Variants in ZNF536 observed in about 807,000 individuals in gnomAD.
The protein encoded by ZNF536 is zinc finger protein 536.
Under a neutral mutation model 84.5 loss-of-function variants are expected in ZNF536, and 13 were observed. That is an observed-to-expected ratio of 0.15 (90% CI 0.10 to 0.24). The LOEUF (loss-of-function observed/expected upper bound fraction) is 0.24, where lower values mean the gene tolerates loss of function less well. Among genes scored for constraint, ZNF536 ranks in the 10% least tolerant of loss-of-function variants. The pLI is 1.00. For missense variants in ZNF536, 1,536 were observed against 1,747.5 expected (o/e 0.88, Z 2.16); for synonymous variants, 811 against 742.5 (o/e 1.09, Z -1.50).
chr19:30,338,265 TTGA>T (rs1404387387), intron 2 of ZNF536, among the ~76,000 whole-genome samples: 3 of 151,156 alleles, frequency 2.0e-5, no homozygotes, highest in Non-Finnish European at 4.4e-5. Context: ...ATAAAGATGA[TTGA>T]TGATGATGGT....
intron 1 of ZNF536, among the ~76,000 whole-genome samples, chr19:30,268,419 G>C: frequency 6.6e-6 from 1 of 152,138 alleles, no homozygotes; most frequent in Non-Finnish European, 1.5e-5. Context: ...TATAGTCCTG[G>C]TGTGGTTTTG....
intron 1 of ZNF536, among the ~76,000 whole-genome samples, chr19:30,685,282 G>A (rs965147139): frequency 6.6e-6 from 1 of 152,220 alleles, no homozygotes; most frequent in Non-Finnish European, 1.5e-5. Context: ...ATGACAGTGA[G>A]TAGGGGGCTT....
At chr19:30,646,348 G>C (rs901954799) in intron 1 of ZNF536, among the ~76,000 whole-genome samples, 5 of 152,172 alleles carry the variant, frequency 3.3e-5, no homozygotes, top group African/African-American at 7.2e-5. Flanking sequence ...AAAGAAGCTT[G>C]AGCCTGCGCA....
At chr19:30,447,559 C>T (rs1404675439) in intron 2 of ZNF536, among the ~76,000 whole-genome samples, 1 of 152,154 alleles carries the variant, frequency 6.6e-6, no homozygotes, top group African/African-American at 2.4e-5. Context: ...GCATGAGTGC[C>T]AAGGAGGCGT....
chr19:30,690,207 C>T (rs865919456), intron 1 of ZNF536, among the ~76,000 whole-genome samples: 8 of 152,156 alleles, frequency 5.3e-5, no homozygotes, highest in Non-Finnish European at 8.8e-5. Flanking sequence ...GAACAAATGC[C>T]GGTAATATTG....
At chr19:30,675,168 A>G (rs1471776470) in intron 1 of ZNF536, among the ~76,000 whole-genome samples, 2 of 152,180 alleles carry the variant, frequency 1.3e-5, no homozygotes, top group African/African-American at 4.8e-5. Context: ...CCTCTAAGGA[A>G]CTGGATATGC....
intron 4 of ZNF536, among the ~76,000 whole-genome samples, chr19:30,551,577 C>T (rs112030927): frequency 0.041 from 6,217 of 152,256 alleles, 177 homozygotes; most frequent in South Asian, 0.11. Flanking sequence ...CCCCACCCCT[C>T]GCCTCTTTCA....
intron 1 of ZNF536, among the ~76,000 whole-genome samples, chr19:30,422,476 T>G (rs555809524): frequency 3.4e-4 from 52 of 152,132 alleles, no homozygotes; most frequent in Non-Finnish European, 6.3e-4. Flanking sequence ...ACCTTTTCCT[T>G]TCTCTGAATT....
At chr19:30,242,802 G>A (rs930389598) in intron 1 of ZNF536, among the ~76,000 whole-genome samples, 7 of 152,132 alleles carry the variant, frequency 4.6e-5, no homozygotes, top group African/African-American at 1.4e-4. Flanking sequence ...CTTCCGATTC[G>A]TTACTTAAAT....
intron 1 of ZNF536, among the ~76,000 whole-genome samples, chr19:30,570,275 C>T (rs184642056): frequency 6.6e-6 from 1 of 152,272 alleles, no homozygotes; most frequent in Admixed American, 6.5e-5. Flanking sequence ...ACCTTCAGAC[C>T]TCAGGCGTTG....
intron 1 of ZNF536, among the ~76,000 whole-genome samples, chr19:30,663,435 T>C (rs1369305688): frequency 6.6e-6 from 1 of 151,840 alleles, no homozygotes; most frequent in East Asian, 1.9e-4. Flanking sequence ...TGTTGCATTT[T>C]ATAAGTTTCC....
intron 1 of ZNF536, among the ~76,000 whole-genome samples, chr19:30,646,952 C>G (rs1441523750): frequency 1.3e-5 from 2 of 152,122 alleles, no homozygotes; most frequent in African/African-American, 4.8e-5. Context: ...GTAATGCTCA[C>G]AAGTACCCTT....
chr19:30,280,039 G>T (rs74542590), intron 1 of ZNF536, among the ~76,000 whole-genome samples: 2 of 152,050 alleles, frequency 1.3e-5, no homozygotes, highest in Non-Finnish European at 2.9e-5. Flanking sequence ...TCCACCTCCC[G>T]CAGGAGAGAA....
intron 2 of ZNF536, among the ~76,000 whole-genome samples, chr19:30,492,534 A>ATTT (rs1235938449): frequency 6.6e-6 from 1 of 152,222 alleles, no homozygotes; most frequent in Non-Finnish European, 1.5e-5. Flanking sequence ...GTCAGATAGT[A>ATTT]TTTATTATTA....
intron 1 of ZNF536, among the ~76,000 whole-genome samples, chr19:30,674,673 G>A (rs920105810): frequency 1.3e-5 from 2 of 152,190 alleles, no homozygotes; most frequent in African/African-American, 4.8e-5. Context: ...ATCGTGGGTG[G>A]AGGCCAGCTT....
chr19:30,365,535 A>T (rs759027216), intron 3 of ZNF536, among the ~76,000 whole-genome samples: 3 of 152,158 alleles, frequency 2.0e-5, no homozygotes, highest in Non-Finnish European at 4.4e-5. Context: ...TGAACATAGC[A>T]TTGCCACTTC....
upstream of ZNF536, among the ~76,000 whole-genome samples, chr19:30,225,635 G>C (rs192317119): frequency 4.0e-3 from 596 of 150,782 alleles, 3 homozygotes; most frequent in South Asian, 6.7e-3. Flanking sequence ...TTACGTGCCC[G>C]AGTTTGCTCC....
chr19:30,279,617 A>G (rs571807293), intron 1 of ZNF536, among the ~76,000 whole-genome samples: 3 of 152,218 alleles, frequency 2.0e-5, no homozygotes, highest in East Asian at 3.9e-4. Flanking sequence ...GGCTGGGAGG[A>G]GGTCTCAGAA....
intron 1 of ZNF536, among the ~76,000 whole-genome samples, chr19:30,570,375 C>T (rs965979520): frequency 2.6e-5 from 4 of 152,276 alleles, no homozygotes; most frequent in South Asian, 4.2e-4. Context: ...CAAACTGGCA[C>T]GTGGGGTACG....
Sources: gnomAD v4.1 joint callset for allele counts (sites outside exome capture counted in the v4.1 genomes callset) on GRCh38, gnomAD v4.1.1 for gene constraint, MANE v1.5 for transcripts, NCBI Gene and HGNC (gene_info 2026-07-23, HGNC 2026-07-21) for gene names.